PTGER3: variants seen among roughly 807,000 people sequenced by gnomAD.
PTGER3 encodes prostaglandin E2 receptor EP3 subtype.
PTGER3 carries 22 observed loss-of-function variants against 34.7 expected under a neutral mutation model. The ratio of observed to expected loss-of-function variants is 0.63; its 90% confidence interval spans 0.45 to 0.91. The LOEUF is 0.91. PTGER3 is among the 40% of genes least tolerant of loss of function. The pLI is 0.00. For synonymous variants in PTGER3, 241 were observed against 230.1 expected (o/e 1.05, Z -0.43); for missense variants, 468 against 519.4 (o/e 0.90, Z 0.96).
chr1:70,985,137 A>C (rs1654791611), intron 2 of PTGER3, among the ~76,000 whole-genome samples: 1 of 152,164 alleles, frequency 6.6e-6, no homozygotes, highest in Admixed American at 6.5e-5. Flanking sequence ...AGGAGATAAC[A>C]TCCTTACTTC....
At chr1:70,919,559 G>T (rs1176646581) in intron 4 of PTGER3, among the ~76,000 whole-genome samples, 1 of 152,232 alleles carries the variant, frequency 6.6e-6, no homozygotes, top group Admixed American at 6.5e-5. Flanking sequence ...TAAATGTATT[G>T]AATGTTATTT....
intron 2 of PTGER3, among the ~76,000 whole-genome samples, chr1:70,981,314 TC>T (rs1166322579): frequency 1.7e-3 from 146 of 84,150 alleles, no homozygotes; most frequent in Non-Finnish European, 1.9e-3. Context: ...CTTCCTTCCT[TC>T]CTTTCTTCTT....
chr1:70,964,382 A>G (rs1652287573), intron 2 of PTGER3, among the ~76,000 whole-genome samples: 1 of 152,204 alleles, frequency 6.6e-6, no homozygotes, highest in Non-Finnish European at 1.5e-5. Context: ...ACATAGCTAA[A>G]ACGGGCAATC....
chr1:70,974,376 T>G lies in PTGER3; in HGVS notation c.1090A>C (p.Thr364Pro). The stretch of plus-strand genomic sequence containing the variant: ...GTGGAGCTGGATGCATAGTTGTTTG[T>G]GTGGTACCTGATCTGTGAACAGACA... ...LRKFCQIRYH[T>P]NNYASSSTSL... The change falls in exon 3 of 4, where the codon ACA (threonine) becomes CCA (proline). Residue 364 changes from threonine to proline, a missense_variant. By Grantham distance (38) the Thr-to-Pro change is conservative. Transcript: ENST00000306666. 9.5e-7 allele frequency: 1 copy of G among 1,050,426 alleles called. No individual in the cohort carries two copies. Among genetic ancestry groups the G allele is most frequent in the Non-Finnish European group, 1.5e-6 (1 of 665,176 alleles). The allele number at this position is 1,050,426 out of a possible 1,614,324, so 65.1% of individuals were successfully genotyped here.
chr1:70,982,528 C>T (rs1487740273), intron 2 of PTGER3, among the ~76,000 whole-genome samples: 2 of 152,152 alleles, frequency 1.3e-5, no homozygotes, highest in Non-Finnish European at 2.9e-5. Context: ...CTGCTCATTA[C>T]ACACATACAT....
chr1:71,015,984 G>A (rs1282455977), intron 1 of PTGER3, among the ~76,000 whole-genome samples: 1 of 152,084 alleles, frequency 6.6e-6, no homozygotes, highest in African/African-American at 2.4e-5. Context: ...CAAGGCTTGG[G>A]TGCAGTGGCA....
intron 4 of PTGER3, among the ~76,000 whole-genome samples, chr1:70,917,784 A>G (rs943223585): frequency 6.6e-6 from 1 of 151,784 alleles, no homozygotes. Flanking sequence ...TTAATTTGCA[A>G]TTTCCTGATA....
chr1:70,969,961 G>C (rs1188077676), downstream of PTGER3, among the ~76,000 whole-genome samples: 3 of 152,054 alleles, frequency 2.0e-5, no homozygotes, highest in Admixed American at 2.0e-4. Context: ...TTAATTTATT[G>C]AGATGCAATT....
chr1:70,924,551 C>G (rs1474285482), intron 4 of PTGER3, among the ~76,000 whole-genome samples: 1 of 152,122 alleles, frequency 6.6e-6, no homozygotes, highest in Non-Finnish European at 1.5e-5. Context: ...ACATTAGAAT[C>G]AGCTAACAGT....
rs1413935749 is a variant in PTGER3 at position 71,046,766 on chromosome 1, G to T, written c.812C>A (p.Ala271Asp). Residue 271 changes from alanine (A) to aspartate (D), a missense_variant, in exon 1 of 4, where the codon GCC becomes GAC. Around this residue, in one of 5 missense-constraint regions of PTGER3, gnomAD observed 204 missense variants for 230.8 expected, o/e 0.88. Coordinates refer to ENST00000306666, the MANE Select transcript of PTGER3 (RefSeq NM_198719.2). ...RAKATASQSS[A>D]QWGRITTETA... ...CTCGGTCGTGATGCGGCCCCACTGG[G>T]CACTGGACTGAGATGCCGTGGCCTT... 1 of 1,613,892 alleles carries T rather than the reference G, an allele frequency of 6.2e-7. No individual in the cohort carries two copies. The highest frequency in any genetic ancestry group is 8.5e-7 in the Non-Finnish European group (1 of 1,180,000).
intron 1 of PTGER3, among the ~76,000 whole-genome samples, chr1:71,024,991 T>C (rs1184906195): frequency 2.0e-5 from 3 of 152,120 alleles, no homozygotes; most frequent in African/African-American, 7.2e-5. Context: ...ATGTGCCATG[T>C]TGGTGTGCTG....
At chr1:70,880,996 TG>T (rs1646380292) in intron 4 of PTGER3, among the ~76,000 whole-genome samples, 1 of 152,150 alleles carries the variant, frequency 6.6e-6, no homozygotes, top group African/African-American at 2.4e-5. Context: ...ACCTCAAATA[TG>T]TTTTCCAAGT....
chr1:71,047,713 G>A lies in PTGER3; in HGVS notation c.-136C>T. ...GCCCCCCATGGTGCGGGGCGCAGCC[G>A]CCGCCCTACTCCGCTGCTGGGACCG... On this transcript the variant is annotated 5_prime_UTR_variant, in exon 1 of 4. Coordinates refer to ENST00000306666, the MANE Select transcript of PTGER3 (RefSeq NM_198719.2). 6.9e-6 allele frequency: 7 copies of A among 1,007,770 alleles called. No individual in the cohort carries two copies. The highest frequency in any genetic ancestry group is 1.7e-5 in the African/African-American group (1 of 57,980). The allele number at this position is 1,007,770 out of a possible 1,614,324, so 62.4% of individuals were successfully genotyped here.
chr1:70,953,167 A>G, intron 3 of PTGER3: 1 of 958,844 alleles, frequency 1.0e-6, no homozygotes, highest in Non-Finnish European at 1.5e-6. Flanking sequence ...TATTTATACA[A>G]CATTTACATT....
At chr1:70,907,156 A>G (rs1168350142) in intron 4 of PTGER3, among the ~76,000 whole-genome samples, 2 of 152,202 alleles carry the variant, frequency 1.3e-5, no homozygotes, top group East Asian at 3.9e-4. Flanking sequence ...CAATATGGTA[A>G]CAGCTTTTGC....
At chr1:70,909,118 G>A (rs921613721) in intron 4 of PTGER3, among the ~76,000 whole-genome samples, 1 of 152,104 alleles carries the variant, frequency 6.6e-6, no homozygotes, top group African/African-American at 2.4e-5. Flanking sequence ...CATAAATTAT[G>A]GGATGTCATA....
chr1:71,010,940 C>T, intron 2 of PTGER3: 1 of 985,454 alleles, frequency 1.0e-6, no homozygotes, highest in South Asian at 4.7e-5. Context: ...AAATCTCAAG[C>T]TTTTAAAAAA....
intron 1 of PTGER3, among the ~76,000 whole-genome samples, chr1:71,021,121 G>C (rs1345309802): frequency 6.6e-6 from 1 of 152,058 alleles, no homozygotes; most frequent in Non-Finnish European, 1.5e-5. Flanking sequence ...TGTCTATATT[G>C]CTTGAATTTC....
intron 4 of PTGER3, among the ~76,000 whole-genome samples, chr1:70,917,224 C>G (rs948779292): frequency 6.6e-6 from 1 of 151,512 alleles, no homozygotes; most frequent in Non-Finnish European, 1.5e-5. Flanking sequence ...TCTCTGGTTA[C>G]TAGTATTTCA....
Sources: allele counts gnomAD v4.1 joint callset (sites outside exome capture counted in the v4.1 genomes callset), GRCh38; gene constraint gnomAD v4.1.1; regional missense constraint gnomAD v4.1.1; transcripts MANE v1.5; gene names NCBI Gene and HGNC (gene_info 2026-07-23, HGNC 2026-07-21).